The following NLRP4 variants were observed in gnomAD, a reference collection of about 807,000 sequenced individuals.
NLRP4 encodes NACHT, LRR and PYD domains-containing protein 4.
A neutral mutation model predicts 84.7 loss-of-function variants in NLRP4; 44 were observed. The observed-to-expected ratio is 0.52, with a 90% CI of 0.41 to 0.67. The LOEUF is 0.67. Among genes scored for constraint, NLRP4 ranks in the 30% least tolerant of loss-of-function variants. NLRP4 has a pLI of 0.00. For synonymous variants in NLRP4, 544 were observed against 476.4 expected, an observed-to-expected ratio of 1.14 and a Z score of -1.85; for missense variants, 1,260 against 1,219.4, an observed-to-expected ratio of 1.03 and a Z score of -0.50.
intron 8 of NLRP4, among the ~76,000 whole-genome samples, chr19:55,877,817 A>G (rs4801640): frequency 0.41 from 62,390 of 151,918 alleles, 13,073 homozygotes; most frequent in East Asian, 0.6. Context: ...TATGATTAGA[A>G]TCCCCCCAGT....
intron 7 of NLRP4, among the ~76,000 whole-genome samples, chr19:55,872,276 A>G (rs2123060701): frequency 6.6e-6 from 1 of 152,090 alleles, no homozygotes; most frequent in East Asian, 1.9e-4. Flanking sequence ...GAAAGAAACA[A>G]GAGCAAATTG....
chr19:55,856,117 C>T (rs1274778729), intron 2 of NLRP4, among the ~76,000 whole-genome samples: 1 of 152,172 alleles, frequency 6.6e-6, no homozygotes, highest in African/African-American at 2.4e-5. Context: ...CCCTGGCCTC[C>T]CGAGTAGCTG....
intron 1 of NLRP4, among the ~76,000 whole-genome samples, chr19:55,850,263 T>G (rs1376279030): frequency 3.1e-5 from 4 of 130,064 alleles, no homozygotes; most frequent in African/African-American, 7.1e-5. Context: ...GGCTGCGGTG[T>G]AATTTCCGAG....
At position 55,849,873 on chromosome 19, in the gene NLRP4, G is replaced by GTGTAATTT. The variant is rs1568657972; in HGVS notation, c.-65-2143_-65-2142insTGTAATTT. On this transcript the variant is annotated intron_variant, in intron 1 of 9. Coordinates refer to ENST00000301295, the MANE Select transcript of NLRP4 (RefSeq NM_134444.5). ...CCGAGACTGCGGTGTAATTTCCGTG[G>GTGTAATTT]CCGCGGTGTAATTTCCGTGGCCGGC... Among the ~76,000 whole-genome samples the GTGTAATTT allele has an allele frequency of 1.0e-4, 9 of 86,798 alleles. 1 individual carries two copies. Among genetic ancestry groups the GTGTAATTT allele is most frequent in the African/African-American group, 4.0e-4 (5 of 12,472 alleles). The allele number at this position is 86,798 out of a possible 152,430, so 56.9% of individuals were successfully genotyped here.
intron 1 of NLRP4, among the ~76,000 whole-genome samples, chr19:55,850,570 C>T (rs1362242843): frequency 2.4e-5 from 2 of 84,552 alleles, no homozygotes; most frequent in Middle Eastern, 6.6e-3. Flanking sequence ...GTGTAATGTC[C>T]GTGGCTGCGG....
At chr19:55,871,048 G>T in intron 7 of NLRP4, 51 bp downstream of exon 7, 1 of 1,522,066 alleles carries the variant, frequency 6.6e-7, no homozygotes, top group Non-Finnish European at 9.1e-7. Flanking sequence ...TCAAGGGCAT[G>T]CACTGCTGAG....
At position 55,858,895 on chromosome 19, in the gene NLRP4, G is replaced by A. The variant is rs1397488305; in HGVS notation, c.1502G>A (p.Cys501Tyr). The change falls in exon 3 of 10, where the codon TGT becomes TAT. Residue 501 changes from cysteine to tyrosine, a missense_variant. Transcript: ENST00000301295. This position sits in a 1 kb window ranked among gnomAD's most constrained non-coding sequence, Gnocchi z 4.2. Reference sequence around the variant, plus strand: ...AGAGCACATTGGATTTTTTTGGGGTGTTTTCTAACTGGCCTTTTAAATAAA... The same window carrying A: ...AGAGCACATTGGATTTTTTTGGGGTATTTTCTAACTGGCCTTTTAAATAAA... ...ARRAHWIFLGCFLTGLLNKKE... is the reference protein window; with the variant it reads ...ARRAHWIFLGYFLTGLLNKKE... 15 of 1,614,012 alleles carry A rather than the reference G, an allele frequency of 9.3e-6. No individual in the cohort carries two copies. The highest frequency in any genetic ancestry group is 1.3e-5 in the Non-Finnish European group (15 of 1,180,034).
Position 55,838,255 on chromosome 19 carries a change from TTG to T in NLRP4, c.-66+1322_-66+1323del. 2.0e-5 allele frequency among the ~76,000 whole-genome samples: 3 copies of T among 151,800 alleles called. No homozygotes were observed. In the South Asian group the frequency reaches 6.2e-4, roughly 32 times the overall value. ...AGGCAGAGGTTGCAGTGAGCCAAGA[TTG>T]CGCCATTGCATTCCAGCCTGGGCAA... On this transcript the variant is annotated intron_variant, in intron 1 of 9. Transcript: ENST00000301295.
intron 1 of NLRP4, among the ~76,000 whole-genome samples, chr19:55,849,944 AATTTCCGAGACT>A (rs1983973245): frequency 1.7e-5 from 2 of 118,890 alleles, no homozygotes; most frequent in East Asian, 2.2e-4. Flanking sequence ...GCCGCGGTGT[AATTTCCGAGACT>A]GCGGTGTAAT....
At chr19:55,869,252 C>CTA (rs1985079000) in intron 6 of NLRP4, among the ~76,000 whole-genome samples, 1 of 151,852 alleles carries the variant, frequency 6.6e-6, no homozygotes, top group Non-Finnish European at 1.5e-5. Flanking sequence ...CCCAGCTACT[C>CTA]TCGAGGGAAG....
intron 3 of NLRP4, among the ~76,000 whole-genome samples, chr19:55,859,456 T>A (rs755578896): frequency 3.3e-5 from 5 of 152,152 alleles, no homozygotes; most frequent in Non-Finnish European, 7.3e-5. Context: ...AGTGGCCCCA[T>A]TACAGAAGGG....
intron 1 of NLRP4, among the ~76,000 whole-genome samples, chr19:55,850,113 A>AATTACCGTG (rs1984008028): frequency 1.9e-5 from 1 of 52,330 alleles, no homozygotes; most frequent in African/African-American, 1.1e-4. Context: ...TAATTACCGT[A>AATTACCGTG]GCTGCGGTGT....
chr19:55,858,317 A>C lies in NLRP4; in HGVS notation c.924A>C (p.Leu308Phe). 6.2e-7 allele frequency: 1 copy of C among 1,614,148 alleles called. No individual in the cohort carries two copies. Among genetic ancestry groups the C allele is most frequent in the African/African-American group, 1.3e-5 (1 of 75,022 alleles). The change falls in exon 3 of 10, where the codon TTA becomes TTC. Residue 308 changes from leucine (L) to phenylalanine (F), a missense_variant. Leu to Phe is a conservative substitution (Grantham distance 22). This residue lies in a region of NLRP4 where 712 missense variants were observed against 669.2 expected (regional missense o/e 1.06). Transcript: ENST00000301295. This position sits in a 1 kb window ranked among gnomAD's most constrained non-coding sequence, Gnocchi z 4.2. ...QPRGFNESDR[L>F]VYFCCFFKDP... ...GGGGATTCAACGAGAGTGATAGGTT[A>C]GTGTATTTCTGCTGTTTCTTCAAAG...
intron 1 of NLRP4, among the ~76,000 whole-genome samples, chr19:55,845,666 C>A (rs1400665399): frequency 2.0e-5 from 3 of 151,572 alleles, no homozygotes; most frequent in African/African-American, 7.3e-5. Context: ...GTTCCTATTT[C>A]TCCACATCCT....
chr19:55,857,441 TCATAG>T (rs1013467944), intron 2 of NLRP4: 5 of 552,068 alleles, frequency 9.1e-6, no homozygotes, highest in Non-Finnish European at 1.6e-5. Flanking sequence ...ATACGGTCTC[TCATAG>T]CTGTTCAGCT....
intron 1 of NLRP4, among the ~76,000 whole-genome samples, chr19:55,851,692 G>A (rs939576234): frequency 3.1e-4 from 33 of 107,622 alleles, no homozygotes; most frequent in East Asian, 6.7e-4. Flanking sequence ...TGTAATGTCC[G>A]AGGCTGCGGT....
intron 8 of NLRP4, among the ~76,000 whole-genome samples, chr19:55,877,394 G>A (rs1682389918): frequency 6.6e-6 from 1 of 152,170 alleles, no homozygotes; most frequent in South Asian, 2.1e-4. Context: ...TGCTTAGGAA[G>A]CTGTGGTTAA....
chr19:55,842,163 T>G (rs1983637374), intron 1 of NLRP4, among the ~76,000 whole-genome samples: 1 of 152,214 alleles, frequency 6.6e-6, no homozygotes, highest in Non-Finnish European at 1.5e-5. Context: ...ATTTGCATGT[T>G]TAGTCTTTCA....
At position 55,857,848 on chromosome 19, in the gene NLRP4, T is replaced by C. The variant is rs1016445502; in HGVS notation, c.455T>C (p.Ile152Thr). The C allele has an allele frequency of 1.2e-6, 2 of 1,613,890 alleles. No homozygotes were observed. Among genetic ancestry groups the C allele is most frequent in the African/African-American group, 2.7e-5 (2 of 74,938 alleles). ...KEAGKQPRTV[I>T]IQGPQGIGKT... is the part of the protein sequence containing the mutation. ...GCTGGGAAACAGCCACGTACAGTGA[T>C]CATTCAAGGACCACAAGGAATTGGA... Residue 152 changes from isoleucine to threonine, a missense_variant, in exon 3 of 10, where the codon ATC (isoleucine) becomes ACC (threonine). Physicochemically the swap from Ile to Thr is moderately conservative, Grantham distance 89 (BLOSUM62 -1). Transcript: ENST00000301295.
Sources: allele counts gnomAD v4.1 joint callset (sites outside exome capture counted in the v4.1 genomes callset), GRCh38; gene constraint gnomAD v4.1.1; regional missense constraint gnomAD v4.1.1; non-coding constraint Gnocchi (gnomAD v3.1); transcripts MANE v1.5; gene names NCBI Gene and HGNC (gene_info 2026-07-23, HGNC 2026-07-21).